The following GUCY2C variants were observed in gnomAD, a reference collection of about 807,000 sequenced individuals.
GUCY2C encodes guanylate cyclase 2C, also known as guanylyl cyclase C.
GUCY2C carries 118 observed loss-of-function variants against 131.1 expected under a neutral mutation model. That is an observed-to-expected ratio of 0.90 (90% CI 0.78 to 1.05). The LOEUF (loss-of-function observed/expected upper bound fraction) is 1.05. Among genes scored for constraint, GUCY2C ranks in the 50% least tolerant of loss-of-function variants. The probability of loss-of-function intolerance (pLI) is 0.00; values close to 1 mark genes in which losing one functional copy is unlikely to be tolerated. For missense variants in GUCY2C, 1,161 were observed against 1,304.4 expected (o/e 0.89, Z 1.69); for synonymous variants, 452 against 457.8 (o/e 0.99, Z 0.16).
intron 12 of GUCY2C, 91 bp downstream of exon 12, chr12:14,656,421 C>T: frequency 1.5e-6 from 1 of 675,430 alleles, no homozygotes; most frequent in African/African-American, 1.8e-5. Context: ...AACAACTATC[C>T]CTACTTGGCA....
chr12:14,675,826 A>G (rs974984708), intron 7 of GUCY2C, among the ~76,000 whole-genome samples: 6 of 152,240 alleles, frequency 3.9e-5, no homozygotes, highest in African/African-American at 1.2e-4. Context: ...GTCAAGTAAT[A>G]TCCAGATATT....
intron 19 of GUCY2C, among the ~76,000 whole-genome samples, chr12:14,633,906 T>C (rs1947206400): frequency 6.6e-6 from 1 of 152,102 alleles, no homozygotes; most frequent in Non-Finnish European, 1.5e-5. Flanking sequence ...GCCTACATGA[T>C]ATAGACACCA....
At chr12:14,652,843 A>G (rs1947691032) in intron 13 of GUCY2C, 109 bp downstream of exon 13, 1 of 795,892 alleles carries the variant, frequency 1.3e-6, no homozygotes, top group East Asian at 2.4e-5. Context: ...CTAGGAACAG[A>G]CTGGGGACTC....
At chr12:14,637,827 A>G (rs1263276839) in intron 19 of GUCY2C, among the ~76,000 whole-genome samples, 3 of 152,364 alleles carry the variant, frequency 2.0e-5, no homozygotes, top group Non-Finnish European at 4.4e-5. Flanking sequence ...CAAAGATTTT[A>G]TGGCTAAGAC....
chr12:14,619,203 C>T lies in GUCY2C; in HGVS notation c.2875+8G>A, dbSNP rs45591731. 6.8e-5 allele frequency: 104 copies of T among 1,537,406 alleles called. No individual in the cohort carries two copies. The highest frequency in any genetic ancestry group is 9.3e-5 in the Non-Finnish European group (103 of 1,110,672). ...TTGTCCTCTGAGAAAAACAGTCTCCCTTCTTACGGAGGCCAGTGGATTCCA... is the reference window on the plus strand; with the variant it reads ...TTGTCCTCTGAGAAAAACAGTCTCCTTTCTTACGGAGGCCAGTGGATTCCA... On this transcript the variant is annotated splice_region_variant and intron_variant, in intron 24 of 26. Transcript: ENST00000261170.
rs766304171 is a variant in GUCY2C, at chr12:14,674,763, A to G, written c.949-3T>C. ...GCAAGAGCAAAGTCTCGTTTTGTCT[A>G]AATAAAAAAGGAAAATATTAAAACG... On this transcript the variant is annotated splice_polypyrimidine_tract_variant and splice_region_variant and intron_variant, in intron 7 of 26. Transcript: ENST00000261170. 1.3e-6 allele frequency: 2 copies of G among 1,596,820 alleles called. No homozygotes were observed. The highest frequency in any genetic ancestry group is 2.2e-5 in the East Asian group (1 of 44,754).
At chr12:14,621,344 C>A (rs1332106570) in intron 22 of GUCY2C, 128 bp from the exon 23 acceptor site, 3 of 777,316 alleles carry the variant, frequency 3.9e-6, no homozygotes, top group Non-Finnish European at 4.2e-6. Flanking sequence ...GCCCTTTACA[C>A]TTTTTCTGGG....
chr12:14,690,351 A>G (rs10492155), intron 1 of GUCY2C, among the ~76,000 whole-genome samples: 6,010 of 152,304 alleles, frequency 0.039, 193 homozygotes, highest in South Asian at 0.12. Flanking sequence ...AGGTCTTTGT[A>G]TAATGGAGAA....
At chr12:14,679,855 A>T in intron 5 of GUCY2C, 102 bp from the exon 6 acceptor site, 1 of 647,268 alleles carries the variant, frequency 1.5e-6, no homozygotes, top group Non-Finnish European at 2.8e-6. Context: ...TTAATGTTAA[A>T]TTTTTTAAAG....
intron 18 of GUCY2C, among the ~76,000 whole-genome samples, chr12:14,640,449 CA>C (rs1947371858): frequency 9.7e-6 from 1 of 103,384 alleles, no homozygotes; most frequent in Admixed American, 1.3e-4. Flanking sequence ...GGTGACAGAG[CA>C]AGACACTGTC....
intron 9 of GUCY2C, among the ~76,000 whole-genome samples, chr12:14,670,585 T>C (rs1283119997): frequency 6.6e-6 from 1 of 151,988 alleles, no homozygotes; most frequent in Non-Finnish European, 1.5e-5. Flanking sequence ...TCCCACGTGT[T>C]GTAGGAGGGA....
chr12:14,655,418 A>G (rs1197082320), intron 12 of GUCY2C, among the ~76,000 whole-genome samples: 1 of 152,204 alleles, frequency 6.6e-6, no homozygotes, highest in African/African-American at 2.4e-5. Flanking sequence ...ACATTGGAGC[A>G]TGTCATATTT....
intron 20 of GUCY2C, among the ~76,000 whole-genome samples, chr12:14,628,172 T>G (rs1212888220): frequency 6.6e-6 from 1 of 152,196 alleles, no homozygotes; most frequent in African/African-American, 2.4e-5. Flanking sequence ...CTCAACCAGA[T>G]AATTGTGTAC....
rs1216230063 is a variant in GUCY2C, at chr12:14,641,138, T to C, written c.2012A>G (p.Gln671Arg). Residue 671 changes from glutamine (Q) to arginine (R), a missense_variant, in exon 18 of 27, where the codon CAG becomes CGG. Physicochemically the swap from Gln to Arg is conservative, Grantham distance 43 (BLOSUM62 1). Transcript: ENST00000261170. The part of the protein sequence containing the change: ...GDVYSYGIIA[Q>R]EIILRKETFY... ...GGTTTCTTTCCGCAGGATGATCTCC[T>C]GTGCGATGATCCCATAGCTGTACAC... 1.2e-6 allele frequency: 2 copies of C among 1,613,604 alleles called. No individual in the cohort carries two copies. Among genetic ancestry groups the C allele is most frequent in the Non-Finnish European group, 1.7e-6 (2 of 1,179,672 alleles).
Position 14,657,252 on chromosome 12 carries a change from G to GA in GUCY2C, c.1365-636dup, listed in dbSNP as rs576068081. Among the ~76,000 whole-genome samples the GA allele has an allele frequency of 2.8e-4, 42 of 152,116 alleles. 1 individual carries two copies. The South Asian group carries it at 7.1e-3, about 26-fold the overall frequency. On this transcript the variant is annotated intron_variant, in intron 11 of 26. Coordinates refer to ENST00000261170, the MANE Select transcript of GUCY2C (RefSeq NM_004963.4). The stretch of plus-strand genomic sequence containing the variant: ...TAGAAGGAGTGAGGAAAAAATACAG[G>GA]AAAAAAATGTAAAGTTGGTGACATT...
chr12:14,666,742 A>T (rs1947990143), intron 10 of GUCY2C, among the ~76,000 whole-genome samples: 1 of 150,796 alleles, frequency 6.6e-6, no homozygotes, highest in African/African-American at 2.5e-5. Flanking sequence ...CTCCAAAAAA[A>T]AAAAAAAAGA....
At position 14,619,592 on chromosome 12, in the gene GUCY2C, TAA is replaced by T. The variant is rs556612394; in HGVS notation, c.2777-285_2777-284del. On this transcript the variant is annotated intron_variant, in intron 23 of 26. Coordinates refer to ENST00000261170, the MANE Select transcript of GUCY2C (RefSeq NM_004963.4). ...GAGATCCAGATCACAAAGGTGATTTTAAATAGAAGGCTCTCAGGAAGGATGAA... is the reference window on the plus strand; with the variant it reads ...GAGATCCAGATCACAAAGGTGATTTTATAGAAGGCTCTCAGGAAGGATGAA... The T allele has an allele frequency of 7.0e-4, 247 of 352,166 alleles. 1 individual carries two copies. Among genetic ancestry groups the T allele is most frequent in the Non-Finnish European group, 1.1e-3 (205 of 192,294 alleles). The allele number at this position is 352,166 out of a possible 1,614,324, so 21.8% of individuals were successfully genotyped here. A position where few individuals can be genotyped will look rare whatever the true frequency, so the allele number is the denominator to read the frequency against.
In GUCY2C at chr12:14,690,762, C is replaced by T. The variant is rs951502373; in HGVS notation, c.218-2699G>A. On this transcript the variant is annotated intron_variant, in intron 1 of 26. Transcript: ENST00000261170. The stretch of plus-strand genomic sequence containing the variant: ...TTCATCGTGTTAGCCAGGATGGTCT[C>T]GATCTCCTGACCTCATGATCCGCCC... Among the ~76,000 whole-genome samples, 7 of 152,140 alleles carry T rather than the reference C, an allele frequency of 4.6e-5. No individual in the cohort carries two copies. In the South Asian group the frequency reaches 8.3e-4, roughly 18 times the overall value.
At chr12:14,632,266 C>T (rs552481884) in intron 19 of GUCY2C, among the ~76,000 whole-genome samples, 12 of 152,136 alleles carry the variant, frequency 7.9e-5, no homozygotes, top group Admixed American at 2.6e-4. Flanking sequence ...CTTTTGTTGC[C>T]GTTGCTTTTG....
Sources: allele counts gnomAD v4.1 joint callset (sites outside exome capture counted in the v4.1 genomes callset), GRCh38; gene constraint gnomAD v4.1.1; transcripts MANE v1.5; gene names NCBI Gene and HGNC (gene_info 2026-07-23, HGNC 2026-07-21).